SLC35F4: variants seen among roughly 807,000 people sequenced by gnomAD.
SLC35F4 encodes the protein solute carrier family 35 member F4, also known as chromosome 14 open reading frame 36.
Under a neutral mutation model 44.2 loss-of-function variants are expected in SLC35F4, and 24 were observed. That is an observed-to-expected ratio of 0.54 (90% CI 0.39 to 0.76). The LOEUF (loss-of-function observed/expected upper bound fraction) is 0.76, where lower values mean the gene tolerates loss of function less well. Among genes scored for constraint, SLC35F4 ranks in the 30% least tolerant of loss-of-function variants. The pLI, the probability that SLC35F4 is intolerant of heterozygous loss-of-function variation, is 0.00. For synonymous variants in SLC35F4, 238 were observed against 223.6 expected (o/e 1.06, Z -0.57); for missense variants, 562 against 586.1 (o/e 0.96, Z 0.42).
chr14:57,580,332 G>A (rs75441482), intron 4 of SLC35F4: 2,481 of 165,836 alleles, frequency 0.015, 37 homozygotes, highest in Non-Finnish European at 0.022. Context: ...TAAGAGCAAT[G>A]TTTTTATAAC....
intron 1 of SLC35F4, among the ~76,000 whole-genome samples, chr14:57,662,154 T>C (rs146130290): frequency 3.5e-4 from 53 of 152,316 alleles, no homozygotes; most frequent in African/African-American, 1.1e-3. Context: ...AGAAATCTCG[T>C]GATCAGAGTT....
chr14:57,904,982 C>T lies in SLC35F4; in HGVS notation n.282+76931G>A, dbSNP rs375691348. On this transcript the variant is annotated intron_variant and non_coding_transcript_variant, in intron 1 of 1. Coordinates refer to the SLC35F4 transcript ENST00000556568. ...ATTCATCTCATGCTGCAGGACAAAT[C>T]AACCCAAAACTTAGTGGTATGTAAC... 1.9e-4 allele frequency among the ~76,000 whole-genome samples: 29 copies of T among 152,302 alleles called. No individual in the cohort carries two copies. The East Asian group carries it at 5.4e-3, about 28-fold the overall frequency.
intron 1 of SLC35F4, among the ~76,000 whole-genome samples, chr14:57,978,334 C>G (rs10141631): frequency 0.37 from 56,650 of 151,968 alleles, 11,057 homozygotes; most frequent in African/African-American, 0.5. Context: ...GTAATAGAAT[C>G]GACACATACT....
chr14:57,865,880 G>A lies in SLC35F4; in HGVS notation c.-55C>T. 2 of 1,319,842 alleles carry A rather than the reference G, an allele frequency of 1.5e-6. No individual in the cohort carries two copies. Among genetic ancestry groups the A allele is most frequent in the Non-Finnish European group, 1.0e-6 (1 of 986,220 alleles). 81.8% of individuals were successfully genotyped at this position (1,319,842 alleles called of 1,614,324 possible). ...GGCGGGGCGGAGAGCGCAGCGCGGG[G>A]CCCGGGAGCTGGTGCAGGTGCCGGA... On this transcript the variant is annotated 5_prime_UTR_variant, in exon 1 of 8. Coordinates refer to ENST00000556826, the MANE Select transcript of SLC35F4 (RefSeq NM_001306087.2).
At chr14:57,578,428 A>G (rs1172856060) in intron 4 of SLC35F4, among the ~76,000 whole-genome samples, 2 of 134,622 alleles carry the variant, frequency 1.5e-5, no homozygotes, top group African/African-American at 5.6e-5. Context: ...TGTGGGCAAT[A>G]AGAGCTACAT....
chr14:57,685,794 T>G (rs2075049144), intron 1 of SLC35F4, among the ~76,000 whole-genome samples: 1 of 152,212 alleles, frequency 6.6e-6, no homozygotes, highest in African/African-American at 2.4e-5. Context: ...TTTATTTGTT[T>G]GTTAGAGACT....
intron 1 of SLC35F4, among the ~76,000 whole-genome samples, chr14:57,833,290 A>C (rs78747702): frequency 0.011 from 1,696 of 152,268 alleles, 28 homozygotes; most frequent in African/African-American, 0.039. Context: ...TGTGACATTA[A>C]ATGATGCTTG....
chr14:57,925,233 G>A (rs1183437069), intron 1 of SLC35F4, among the ~76,000 whole-genome samples: 1 of 152,074 alleles, frequency 6.6e-6, no homozygotes, highest in Admixed American at 6.5e-5. Context: ...GAGATTTGAA[G>A]GGCACAAATA....
chr14:57,878,625 G>T (rs1833891936), intron 1 of SLC35F4, among the ~76,000 whole-genome samples: 1 of 152,132 alleles, frequency 6.6e-6, no homozygotes. Flanking sequence ...TGCCTTGTCT[G>T]GGACTTTTCC....
At chr14:57,934,521 T>C (rs1889760109) in intron 1 of SLC35F4, among the ~76,000 whole-genome samples, 1 of 151,852 alleles carries the variant, frequency 6.6e-6, no homozygotes, top group Non-Finnish European at 1.5e-5. Flanking sequence ...GGATTACTGG[T>C]TCTCTAAATT....
intron 1 of SLC35F4, among the ~76,000 whole-genome samples, chr14:57,620,717 G>A (rs994337132): frequency 1.2e-4 from 19 of 152,110 alleles, no homozygotes; most frequent in African/African-American, 4.3e-4. Flanking sequence ...AATTTATTGA[G>A]AGTTTTTAGC....
At chr14:57,576,489 T>C (rs1421320931) in intron 4 of SLC35F4, among the ~76,000 whole-genome samples, 1 of 152,170 alleles carries the variant, frequency 6.6e-6, no homozygotes, top group Non-Finnish European at 1.5e-5. Context: ...AATGATTATC[T>C]CTCTGGGTAA....
At chr14:57,700,654 C>T (rs542596176) in intron 1 of SLC35F4, among the ~76,000 whole-genome samples, 1 of 152,106 alleles carries the variant, frequency 6.6e-6, no homozygotes, top group Non-Finnish European at 1.5e-5. Flanking sequence ...GCAATCCCAG[C>T]ACTTTGGGAG....
intron 1 of SLC35F4, among the ~76,000 whole-genome samples, chr14:57,618,110 A>G (rs2071954635): frequency 1.3e-5 from 2 of 152,242 alleles, no homozygotes; most frequent in African/African-American, 4.8e-5. Context: ...AAGTGTTTCT[A>G]TCTGACATTT....
chr14:57,906,546 T>C (rs1889106453), intron 1 of SLC35F4, among the ~76,000 whole-genome samples: 1 of 152,226 alleles, frequency 6.6e-6, no homozygotes, highest in Non-Finnish European at 1.5e-5. Context: ...TTTGTACAAA[T>C]ATCCTTACAT....
chr14:57,873,573 G>A (rs1363021610), intron 1 of SLC35F4, among the ~76,000 whole-genome samples: 1 of 152,146 alleles, frequency 6.6e-6, no homozygotes, highest in Non-Finnish European at 1.5e-5. Context: ...CAGAATTCTA[G>A]ATTGTATACG....
At chr14:57,830,959 G>A (rs558466262) in intron 1 of SLC35F4, among the ~76,000 whole-genome samples, 11 of 152,270 alleles carry the variant, frequency 7.2e-5, no homozygotes, top group East Asian at 5.8e-4. Context: ...GCACTTATTT[G>A]AAGCACTGGG....
chr14:57,861,040 G>T (rs1454853209), intron 1 of SLC35F4, among the ~76,000 whole-genome samples: 1 of 152,066 alleles, frequency 6.6e-6, no homozygotes, highest in African/African-American at 2.4e-5. Flanking sequence ...CAACCTACTG[G>T]CTGGTCTTAC....
intron 1 of SLC35F4, among the ~76,000 whole-genome samples, chr14:57,945,691 T>C (rs1431069888): frequency 6.6e-6 from 1 of 152,134 alleles, no homozygotes. Flanking sequence ...CTTTAAGGAA[T>C]CTTCACACTG....
Sources: allele counts gnomAD v4.1 joint callset (sites outside exome capture counted in the v4.1 genomes callset), GRCh38; gene constraint gnomAD v4.1.1; transcripts MANE v1.5; gene names NCBI Gene and HGNC (gene_info 2026-07-23, HGNC 2026-07-21).